Variants in OR1L8 observed in about 807,000 individuals in gnomAD.
OR1L8 encodes olfactory receptor family 1 subfamily L member 8.
For missense variants in OR1L8, 330 were observed against 377.4 expected (o/e 0.87, Z 1.04); for synonymous variants, 148 against 147.0 (o/e 1.01, Z -0.05).
At chr9:122,571,383 C>G (rs1217220282) in intron 4 of OR1L8, among the ~76,000 whole-genome samples, 1 of 151,880 alleles carries the variant, frequency 6.6e-6, no homozygotes, top group Non-Finnish European at 1.5e-5. Context: ...AATCCTGTCT[C>G]TACTAAAAAT....
At chr9:122,555,627 A>T in the OR1L8 span, among the ~76,000 whole-genome samples, 1 of 152,212 alleles carries the variant, frequency 6.6e-6, no homozygotes, top group African/African-American at 2.4e-5. Flanking sequence ...TACCTCAAGG[A>T]ATTGGCTCAT....
chr9:122,566,102 T>A (rs1250776096), downstream of OR1L8, among the ~76,000 whole-genome samples: 1 of 152,226 alleles, frequency 6.6e-6, no homozygotes, highest in East Asian at 1.9e-4. Flanking sequence ...ATAATATAGA[T>A]GTATCTTTAA....
chr9:122,582,318 G>A (rs1215875262), intron 1 of OR1L8, among the ~76,000 whole-genome samples: 2 of 152,134 alleles, frequency 1.3e-5, no homozygotes, highest in South Asian at 4.1e-4. Flanking sequence ...TTTGGTTTAC[G>A]TTGGAATTAG....
At chr9:122,559,094 A>G in the OR1L8 span, among the ~76,000 whole-genome samples, 4 of 152,018 alleles carry the variant, frequency 2.6e-5, no homozygotes, top group Non-Finnish European at 4.4e-5. Flanking sequence ...TGAAATTACA[A>G]TACATTATTG....
At position 122,567,630 on chromosome 9, in the gene OR1L8, GATGACAAAACTGTGTAAACA is replaced by G. The variant is rs1428166752; in HGVS notation, c.828_847del (p.Val277HisfsTer36). ...GCTGTAGATAAAAGGATTGAGCATG[GATGACAAAACTGTGTAAACA>G]ATTGTTGCCACGTGGTCCTTGACAG... is the stretch of plus-strand genomic sequence containing the variant. On this transcript the variant is annotated frameshift_variant, in exon 5 of 5. Coordinates refer to ENST00000641027, the MANE Select transcript of OR1L8 (RefSeq NM_001004454.2). LOFTEE classifies it high-confidence loss of function. The G allele has an allele frequency of 1.9e-6, 3 of 1,614,016 alleles. No homozygotes were observed. Among genetic ancestry groups the G allele is most frequent in the Non-Finnish European group, 2.5e-6 (3 of 1,179,962 alleles).
chr9:122,579,979 T>C (rs542082668), intron 1 of OR1L8, among the ~76,000 whole-genome samples: 26 of 152,240 alleles, frequency 1.7e-4, no homozygotes, highest in African/African-American at 5.5e-4. Context: ...AAGGTCGCCA[T>C]TGAAACTATT....
the OR1L8 span, among the ~76,000 whole-genome samples, chr9:122,554,800 A>ACTCT: frequency 9.6e-6 from 1 of 104,660 alleles, no homozygotes; most frequent in Admixed American, 1.0e-4. Context: ...ACTTAAAAGC[A>ACTCT]CTCTTCTGTT....
At chr9:122,574,263 G>T (rs536661837) in intron 3 of OR1L8, among the ~76,000 whole-genome samples, 5 of 152,036 alleles carry the variant, frequency 3.3e-5, no homozygotes, top group African/African-American at 1.2e-4. Context: ...GATTTTGATC[G>T]GTATTGCATG....
chr9:122,579,438 T>C lies in OR1L8; in HGVS notation c.-599-993A>G, dbSNP rs57463139. Among the ~76,000 whole-genome samples, 773 of 152,244 alleles carry C rather than the reference T, an allele frequency of 5.1e-3. 3 individuals carry two copies. The highest frequency in any genetic ancestry group is 0.018 in the African/African-American group (732 of 41,552). The stretch of plus-strand genomic sequence containing the variant: ...GAGATAAAGTCGCTCTTTCTCTCCT[T>C]TAAGAGAGAATTGAAGTCATTTCCT... On this transcript the variant is annotated intron_variant, in intron 1 of 4. Transcript: ENST00000641027.
At chr9:122,583,169 A>G (rs757282341) in intron 1 of OR1L8, among the ~76,000 whole-genome samples, 152 bp downstream of exon 1, 1 of 152,124 alleles carries the variant, frequency 6.6e-6, no homozygotes, top group Non-Finnish European at 1.5e-5. Context: ...TAAACAATAA[A>G]TGGATACGCC....
At chr9:122,559,273 T>G in the OR1L8 span, among the ~76,000 whole-genome samples, 52 of 152,202 alleles carry the variant, frequency 3.4e-4, no homozygotes, top group Non-Finnish European at 6.2e-4. Context: ...ACTTTTTTTG[T>G]TGTTGTTTTT....
the OR1L8 span, among the ~76,000 whole-genome samples, chr9:122,556,587 T>A: frequency 6.6e-6 from 1 of 152,050 alleles, no homozygotes; most frequent in Non-Finnish European, 1.5e-5. Flanking sequence ...AAAGCCTAGA[T>A]GACAGGTTGA....
At position 122,574,403 on chromosome 9, in the gene OR1L8, T is replaced by C. The variant is rs185997223; in HGVS notation, c.-341-1495A>G. On this transcript the variant is annotated intron_variant, in intron 3 of 4. Transcript: ENST00000641027. ...TTTGTGGTAACCCTTGTGTTCATCTTGTACTTATTTTGTTAGATTTATGCC... is the reference window on the plus strand; with the variant it reads ...TTTGTGGTAACCCTTGTGTTCATCTCGTACTTATTTTGTTAGATTTATGCC... Among the ~76,000 whole-genome samples, 228 of 152,304 alleles carry C rather than the reference T, an allele frequency of 1.5e-3. 1 individual carries two copies. Among genetic ancestry groups the C allele is most frequent in the Admixed American group, 5.2e-3 (80 of 15,296 alleles).
the OR1L8 span, among the ~76,000 whole-genome samples, chr9:122,549,115 G>A: frequency 6.6e-6 from 1 of 152,024 alleles, no homozygotes; most frequent in South Asian, 2.1e-4. Context: ...CCCAATGTTG[G>A]ATGTGGGGCC....
the OR1L8 span, among the ~76,000 whole-genome samples, chr9:122,550,188 G>A: frequency 4.0e-5 from 6 of 151,806 alleles, no homozygotes; most frequent in Middle Eastern, 3.4e-3. Flanking sequence ...TAAAATCTCC[G>A]AAGATTGTGC....
At chr9:122,564,724 G>T (rs529265923), downstream of OR1L8, among the ~76,000 whole-genome samples, 2 of 152,160 alleles carry the variant, frequency 1.3e-5, no homozygotes, top group African/African-American at 4.8e-5. Flanking sequence ...CTGGTACCTG[G>T]TGTGTAGCTA....
At chr9:122,580,498 A>AACACCAGTGCTAAGGT (rs1829726742) in intron 1 of OR1L8, among the ~76,000 whole-genome samples, 1 of 152,226 alleles carries the variant, frequency 6.6e-6, no homozygotes, top group African/African-American at 2.4e-5. Context: ...AAAGCAGAGG[A>AACACCAGTGCTAAGGT]ACACCAGTGC....
intron 3 of OR1L8, among the ~76,000 whole-genome samples, chr9:122,576,278 G>A (rs1489041547): frequency 6.6e-6 from 1 of 151,886 alleles, no homozygotes; most frequent in Non-Finnish European, 1.5e-5. Context: ...CTGGAGTGCA[G>A]TGGCATGAGC....
At chr9:122,553,396 T>G in the OR1L8 span, 3 of 1,614,020 alleles carry the variant, frequency 1.9e-6, no homozygotes, top group East Asian at 4.5e-5. Flanking sequence ...CATACTCCCA[T>G]GTACTTCTTT....
Sources: allele counts gnomAD v4.1 joint callset (sites outside exome capture counted in the v4.1 genomes callset), GRCh38; gene constraint gnomAD v4.1.1; transcripts MANE v1.5; gene names NCBI Gene and HGNC (gene_info 2026-07-23, HGNC 2026-07-21).